Variants in AKNA observed in about 807,000 individuals in gnomAD.
The protein encoded by AKNA is AT-hook transcription factor, also known as microtubule organization protein AKNA.
AKNA carries 67 observed loss-of-function variants against 138.8 expected under a neutral mutation model. The ratio of observed to expected loss-of-function variants is 0.48; its 90% CI spans 0.40 to 0.59. The LOEUF (loss-of-function observed/expected upper bound fraction) is 0.59, where lower values mean the gene tolerates loss of function less well. Among genes scored for constraint, AKNA ranks in the 20% least tolerant of loss-of-function variants. The pLI, the probability that AKNA is intolerant of heterozygous loss-of-function variation, is 0.00. For synonymous variants in AKNA, 737 were observed against 754.4 expected (o/e 0.98, Z 0.38); for missense variants, 1,813 against 1,880.4 (o/e 0.96, Z 0.66).
At chr9:114,387,598 C>A (rs572727553) in intron 1 of AKNA, among the ~76,000 whole-genome samples, 2 of 152,346 alleles carry the variant, frequency 1.3e-5, no homozygotes, top group East Asian at 3.9e-4. Context: ...CAGAGATGGA[C>A]CCGCCTACCC....
chr9:114,350,244 T>C (rs1564623998), intron 15 of AKNA, among the ~76,000 whole-genome samples: 1 of 152,146 alleles, frequency 6.6e-6, no homozygotes, highest in Admixed American at 6.5e-5. Context: ...ACTTTGCACG[T>C]AGGCAACATG....
chr9:114,377,252 T>C lies in AKNA; in HGVS notation c.555A>G (p.Glu185=), dbSNP rs1833305199. 6.2e-7 allele frequency: 1 copy of C among 1,614,048 alleles called. No individual in the cohort carries two copies. The highest frequency in any genetic ancestry group is 8.5e-7 in the Non-Finnish European group (1 of 1,180,014). ...GEQASGDKLS[E]HSEVNPSVEL... ...CAACGGATGGGTTGACCTCGGAATG[T>C]TCAGAAAGTTTGTCCCCACTGGCTT... Residue 185 remains glutamate, a synonymous_variant, in exon 3 of 22, where the codon GAA becomes GAG. Coordinates refer to ENST00000374088, the MANE Select transcript of AKNA (RefSeq NM_001317950.2).
At chr9:114,330,885 G>C, downstream of AKNA, 1 of 1,606,752 alleles carries the variant, frequency 6.2e-7, no homozygotes, top group Non-Finnish European at 8.5e-7. Context: ...CCTCAGGCAG[G>C]AGGGTTCACC....
intron 15 of AKNA, among the ~76,000 whole-genome samples, chr9:114,349,393 G>A (rs1489431357): frequency 6.6e-6 from 1 of 152,128 alleles, no homozygotes; most frequent in African/African-American, 2.4e-5. Context: ...CTCCTTCCCT[G>A]AACATCCCTG....
intron 7 of AKNA, among the ~76,000 whole-genome samples, chr9:114,363,412 T>C (rs1272569129): frequency 6.6e-6 from 1 of 152,192 alleles, no homozygotes; most frequent in African/African-American, 2.4e-5. Flanking sequence ...TTCTGACAGC[T>C]CTCAACTTCC....
At chr9:114,344,614 C>CA (rs1564618457) in intron 18 of AKNA, 1 of 152,226 alleles carries the variant, frequency 6.6e-6, no homozygotes, top group East Asian at 1.9e-4. Context: ...ATCTGAGGGT[C>CA]AGAGAGGCTC....
At chr9:114,332,734 C>A (rs1829879078), downstream of AKNA, among the ~76,000 whole-genome samples, 1 of 152,172 alleles carries the variant, frequency 6.6e-6, no homozygotes, top group Non-Finnish European at 1.5e-5. Flanking sequence ...GTCCCAAGGC[C>A]ACCCTGCTCC....
At chr9:114,362,355 C>A (rs757145674) in intron 8 of AKNA, 51 bp downstream of exon 8, 3 of 1,566,154 alleles carry the variant, frequency 1.9e-6, no homozygotes, top group Non-Finnish European at 1.7e-6. Flanking sequence ...ACTGAGGGAC[C>A]CCAGGGGCCC....
intron 1 of AKNA, among the ~76,000 whole-genome samples, chr9:114,393,894 C>T (rs187327274): frequency 7.6e-4 from 115 of 152,190 alleles, no homozygotes; most frequent in African/African-American, 2.6e-3. Flanking sequence ...TACAACAGGC[C>T]ATGCGCCGTG....
intron 2 of AKNA, among the ~76,000 whole-genome samples, chr9:114,380,060 A>G (rs12002829): frequency 0.029 from 4,423 of 151,942 alleles, 220 homozygotes; most frequent in African/African-American, 0.1. Flanking sequence ...CTGAGTTCTG[A>G]GGATTGATTG....
At position 114,345,843 on chromosome 9, in the gene AKNA, G is replaced by A. The variant is rs753867547; in HGVS notation, c.3661+20C>T. 2.5e-6 allele frequency: 4 copies of A among 1,611,864 alleles called. No homozygotes were observed. The highest frequency in any genetic ancestry group is 1.3e-5 in the African/African-American group (1 of 74,836). On this transcript the variant is annotated intron_variant, in intron 18 of 21. Transcript: ENST00000374088. ...TGACACCAGGAGCTGCACCCATCCC[G>A]GCCCTCCCTCCTGACCTACCTGTGT...
intron 18 of AKNA, chr9:114,344,930 C>T (rs940734247): frequency 2.0e-5 from 3 of 152,138 alleles, no homozygotes; most frequent in African/African-American, 7.3e-5. Context: ...TTGCCTTGTC[C>T]CCAGAATCTG....
At chr9:114,396,323 CATTT>C (rs1834532001), upstream of AKNA, among the ~76,000 whole-genome samples, 3 of 152,198 alleles carry the variant, frequency 2.0e-5, no homozygotes, top group African/African-American at 4.8e-5. Flanking sequence ...TCAGTTTCCT[CATTT>C]ATTTAGAATG....
chr9:114,390,525 C>T (rs764079481), upstream of AKNA, among the ~76,000 whole-genome samples: 9 of 152,236 alleles, frequency 5.9e-5, no homozygotes, highest in African/African-American at 1.9e-4. Flanking sequence ...TGCATCCCCA[C>T]GTGGGTCCCT....
At chr9:114,360,229 G>T in intron 9 of AKNA, 167 bp from the exon 10 acceptor site, 2 of 810,404 alleles carry the variant, frequency 2.5e-6, no homozygotes, top group Non-Finnish European at 4.0e-6. Flanking sequence ...AGACTGGGCT[G>T]TGTGGTCTTC....
At chr9:114,357,844 G>T in intron 12 of AKNA, 77 bp downstream of exon 12, 2 of 1,566,700 alleles carry the variant, frequency 1.3e-6, no homozygotes, top group South Asian at 2.4e-5. Context: ...CACAAGGAAA[G>T]ACCCAGAAGC....
rs2131745669 is a variant in AKNA at position 114,337,027 on chromosome 9, C to T, written c.*27G>A. Reference sequence around the variant, plus strand: ...GCAGGCCACCTGCCCACCCACCCACCCATCTGCCTCTGGGCCCCCAGTGAA... The same window carrying T: ...GCAGGCCACCTGCCCACCCACCCACTCATCTGCCTCTGGGCCCCCAGTGAA... On this transcript the variant is annotated 3_prime_UTR_variant, in exon 22 of 22. Transcript: ENST00000374088. 1.3e-6 allele frequency: 1 copy of T among 773,628 alleles called. No homozygotes were observed. Among genetic ancestry groups the T allele is most frequent in the Non-Finnish European group, 1.9e-6 (1 of 540,228 alleles). The allele number at this position is 773,628 out of a possible 1,614,324, so 47.9% of individuals were successfully genotyped here.
upstream of AKNA, among the ~76,000 whole-genome samples, chr9:114,390,243 G>A (rs1834282570): frequency 6.6e-6 from 1 of 151,902 alleles, no homozygotes; most frequent in African/African-American, 2.4e-5. Context: ...CCTCCTCCCT[G>A]CCTTTGCTCA....
At chr9:114,386,994 G>A (rs1834079996) in intron 1 of AKNA, among the ~76,000 whole-genome samples, 1 of 151,960 alleles carries the variant, frequency 6.6e-6, no homozygotes, top group Non-Finnish European at 1.5e-5. Flanking sequence ...CCCAGATGAA[G>A]ACACTGAGGC....
Sources: allele counts gnomAD v4.1 joint callset (sites outside exome capture counted in the v4.1 genomes callset), GRCh38; gene constraint gnomAD v4.1.1; transcripts MANE v1.5; gene names NCBI Gene and HGNC (gene_info 2026-07-23, HGNC 2026-07-21).